ZIM2: variants seen among roughly 807,000 people sequenced by gnomAD.
The protein encoded by ZIM2 is zinc finger imprinted 2.
In ZIM2, 14 loss-of-function variants were observed where a neutral mutation model predicts 38.6. The ratio of observed to expected loss-of-function variants is 0.36; its 90% CI spans 0.24 to 0.57. The LOEUF (loss-of-function observed/expected upper bound fraction) is 0.57. Among genes scored for constraint, ZIM2 ranks in the 20% least tolerant of loss-of-function variants. The pLI is 0.81. For missense variants in ZIM2, 680 were observed against 695.1 expected (o/e 0.98, Z 0.24); for synonymous variants, 247 against 245.8 (o/e 1.00, Z -0.04).
Position 56,824,754 on chromosome 19 carries a change from A to G in ZIM2, c.-150-327T>C, listed in dbSNP as rs1018558860. 4 of 1,171,174 alleles carry G rather than the reference A, an allele frequency of 3.4e-6. No individual in the cohort carries two copies. The African/African-American group carries it at 6.1e-5, about 18-fold the overall frequency. The allele number at this position is 1,171,174 out of a possible 1,614,324, so 72.5% of individuals were successfully genotyped here. On this transcript the variant is annotated intron_variant, in intron 3 of 12. Transcript: ENST00000629319. ...AGTACTCAGGGACCTGTGGATCGTA[A>G]GGAGATATACACATGTCCCAGAAGT...
chr19:56,815,082 T>A, intron 9 of ZIM2: 1 of 1,613,882 alleles, frequency 6.2e-7, no homozygotes. Context: ...CTGTGAGGTC[T>A]GTGAGATCCA....
At chr19:56,815,551 G>A in intron 9 of ZIM2, 1 of 1,613,976 alleles carries the variant, frequency 6.2e-7, no homozygotes, top group Non-Finnish European at 8.5e-7. Flanking sequence ...CATCCCTCGA[G>A]GGCGAAATGT....
rs1186287818 is a variant in ZIM2 at position 56,810,128 on chromosome 19, T to C, written c.490+7618A>G. 3 of 964,928 alleles carry C rather than the reference T, an allele frequency of 3.1e-6. No homozygotes were observed. The African/African-American group carries it at 5.3e-5, about 17-fold the overall frequency. 59.8% of individuals were successfully genotyped at this position (964,928 alleles called of 1,614,324 possible). A position where few individuals can be genotyped will look rare whatever the true frequency, so the allele number is the denominator to read the frequency against. On this transcript the variant is annotated intron_variant, in intron 9 of 12. Coordinates refer to ENST00000629319, the MANE Select transcript of ZIM2 (RefSeq NM_001387356.1). ...ATTGTTGACACTATTACAGATAGAA[T>C]GACCACAACCATATTAACAAACCAA...
rs2059774154 is a variant in ZIM2 at position 56,814,329 on chromosome 19, G to A, written c.490+3417C>T. ...CATGGACATTGGCTTCAACTTCCTG[G>A]GCTGCTGCTGCTGCAGCTGCTGCTG... On this transcript the variant is annotated intron_variant, in intron 9 of 12. Coordinates refer to ENST00000629319, the MANE Select transcript of ZIM2 (RefSeq NM_001387356.1). This position sits in a 1 kb window ranked among gnomAD's most constrained non-coding sequence, Gnocchi z 5.8. The A allele has an allele frequency of 6.2e-7, 1 of 1,613,852 alleles. No homozygotes were observed. Among genetic ancestry groups the A allele is most frequent in the Non-Finnish European group, 8.5e-7 (1 of 1,179,900 alleles).
intron 9 of ZIM2, chr19:56,810,421 A>T (rs981715618): frequency 6.1e-6 from 6 of 984,708 alleles, no homozygotes; most frequent in Non-Finnish European, 7.2e-6. Context: ...CTTTCTTCCC[A>T]TCTTTGACAT....
intron 9 of ZIM2, chr19:56,810,592 C>G (rs901630265): frequency 1.1e-6 from 1 of 930,474 alleles, no homozygotes. Flanking sequence ...ATGGAAAATA[C>G]ATACATAAAA....
intron 11 of ZIM2, 32 bp from the exon 12 acceptor site, chr19:56,779,504 T>C (rs772869265): frequency 3.1e-6 from 5 of 1,603,400 alleles, no homozygotes; most frequent in Non-Finnish European, 3.4e-6. Flanking sequence ...AACTCAGGGT[T>C]TCAGTAACTC....
chr19:56,827,911 A>T (rs941612507), intron 2 of ZIM2, among the ~76,000 whole-genome samples: 1 of 152,228 alleles, frequency 6.6e-6, no homozygotes, highest in Non-Finnish European at 1.5e-5. Flanking sequence ...AATGATGACT[A>T]ATCGCAATTG....
intron 3 of ZIM2, chr19:56,824,681 G>A (rs781716775): frequency 1.9e-6 from 3 of 1,579,868 alleles, no homozygotes; most frequent in South Asian, 1.2e-5. Context: ...TTTCACTGGA[G>A]GAACCAAACA....
intron 9 of ZIM2, chr19:56,798,222 T>C (rs2047327391): frequency 6.6e-6 from 1 of 152,210 alleles, no homozygotes; most frequent in South Asian, 2.1e-4. Flanking sequence ...CACGTTCCAA[T>C]TTTGTTGGAA....
At chr19:56,829,110 G>A (rs552429673) in intron 2 of ZIM2, among the ~76,000 whole-genome samples, 1 of 152,252 alleles carries the variant, frequency 6.6e-6, no homozygotes, top group East Asian at 1.9e-4. Flanking sequence ...CAGCACTTTG[G>A]GAGGCCGAGG....
At chr19:56,835,965 C>T (rs2062057355) in intron 2 of ZIM2, 53 bp downstream of exon 2, 7 of 491,252 alleles carry the variant, frequency 1.4e-5, no homozygotes, top group East Asian at 1.2e-4. Flanking sequence ...TAAGGAAGTG[C>T]GGTGGTCACT....
chr19:56,820,506 T>C (rs2060378512), intron 7 of ZIM2, among the ~76,000 whole-genome samples: 1 of 152,204 alleles, frequency 6.6e-6, no homozygotes, highest in Non-Finnish European at 1.5e-5. Context: ...TCCAGCCTTC[T>C]TCCTATATCC....
chr19:56,782,831 A>G (rs1376184964), intron 10 of ZIM2, among the ~76,000 whole-genome samples: 5 of 152,132 alleles, frequency 3.3e-5, no homozygotes, highest in African/African-American at 1.2e-4. Flanking sequence ...TGGGGTATCC[A>G]TCCCCTTAGG....
chr19:56,812,543 T>C, intron 9 of ZIM2: 1 of 985,832 alleles, frequency 1.0e-6, no homozygotes, highest in Non-Finnish European at 1.2e-6. Flanking sequence ...GCAAACTGAC[T>C]TGTGGCAGCA....
At chr19:56,815,773 T>C (rs757861150) in intron 9 of ZIM2, 8 of 1,613,788 alleles carry the variant, frequency 5.0e-6, no homozygotes, top group East Asian at 4.5e-5. Flanking sequence ...GTCTTCATAG[T>C]TGCGATTCTT....
At chr19:56,833,347 CTCT>C in intron 2 of ZIM2, 1 of 369,412 alleles carries the variant, frequency 2.7e-6, no homozygotes, top group Non-Finnish European at 5.3e-6. Context: ...GGAGGTTACT[CTCT>C]TCGTCTCCCA....
At chr19:56,815,511 G>A (rs774070417) in intron 9 of ZIM2, 2 of 1,614,070 alleles carry the variant, frequency 1.2e-6, no homozygotes. Flanking sequence ...TATGAGCAAA[G>A]CACTCCCCAC....
intron 9 of ZIM2, chr19:56,815,418 G>A (rs1447250105): frequency 1.2e-6 from 2 of 1,614,074 alleles, no homozygotes; most frequent in South Asian, 1.1e-5. Flanking sequence ...GGGCCAAGCT[G>A]CGAATGACAG....
Sources: allele counts gnomAD v4.1 joint callset (sites outside exome capture counted in the v4.1 genomes callset), GRCh38; gene constraint gnomAD v4.1.1; non-coding constraint Gnocchi (gnomAD v3.1); transcripts MANE v1.5; gene names NCBI Gene and HGNC (gene_info 2026-07-23, HGNC 2026-07-21).